DLG2: variants seen among roughly 807,000 people sequenced by gnomAD.
DLG2 encodes the protein discs large MAGUK scaffold protein 2.
In DLG2, 45 loss-of-function variants were observed where a neutral mutation model predicts 132.5. The ratio of observed to expected loss-of-function variants is 0.34; its 90% confidence interval spans 0.27 to 0.44. The LOEUF (loss-of-function observed/expected upper bound fraction) is 0.44. Ranked by LOEUF, DLG2 falls within the 20% of genes least tolerant of loss-of-function variation. DLG2 has a pLI of 1.00. For missense variants in DLG2, 1,045 were observed against 1,196.9 expected (o/e 0.87, Z 1.87); for synonymous variants, 424 against 419.6 (o/e 1.01, Z -0.13).
intron 5 of DLG2, among the ~76,000 whole-genome samples, chr11:85,125,457 C>G (rs1331351148): frequency 6.6e-6 from 1 of 151,964 alleles, no homozygotes; most frequent in Non-Finnish European, 1.5e-5. Flanking sequence ...GGATATATGT[C>G]TGAAAAACTA....
At chr11:85,582,474 C>T (rs1176714890) in intron 3 of DLG2, among the ~76,000 whole-genome samples, 1 of 151,268 alleles carries the variant, frequency 6.6e-6, no homozygotes, top group Non-Finnish European at 1.5e-5. Context: ...CTACATAATC[C>T]ACAAAGACAA....
chr11:84,535,965 A>ATATATATATATATATATATATAT (rs1209865425), intron 6 of DLG2, among the ~76,000 whole-genome samples: 10 of 151,334 alleles, frequency 6.6e-5, no homozygotes, highest in Non-Finnish European at 7.4e-5. Flanking sequence ...ATATATATAT[A>ATATATATATATATATATATATAT]AAACTTCTAG....
chr11:83,988,546 T>C (rs2093494701), intron 11 of DLG2, among the ~76,000 whole-genome samples: 1 of 152,230 alleles, frequency 6.6e-6, no homozygotes, highest in East Asian at 1.9e-4. Context: ...TCCATGAGCA[T>C]GGAATGTTTT....
intron 6 of DLG2, chr11:84,955,362 AGATT>A (rs2051509519): frequency 6.6e-6 from 1 of 152,192 alleles, no homozygotes; most frequent in Admixed American, 6.6e-5. Context: ...TGGCCAAGAT[AGATT>A]AAGTAACTGG....
At chr11:83,807,349 T>C (rs1178119792) in intron 17 of DLG2, among the ~76,000 whole-genome samples, 1 of 152,200 alleles carries the variant, frequency 6.6e-6, no homozygotes, top group African/African-American at 2.4e-5. Context: ...TTCTAATTAC[T>C]AACCAATTCT....
chr11:85,399,997 C>A (rs1286778118), intron 3 of DLG2, among the ~76,000 whole-genome samples: 18 of 152,022 alleles, frequency 1.2e-4, no homozygotes, highest in African/African-American at 3.6e-4. Flanking sequence ...AACAGGCAAC[C>A]TACAAAATGG....
intron 4 of DLG2, among the ~76,000 whole-genome samples, chr11:85,198,766 A>G (rs1048281561): frequency 6.6e-6 from 1 of 152,114 alleles, no homozygotes; most frequent in African/African-American, 2.4e-5. Context: ...CTCATTTATA[A>G]CTATTCTTCT....
chr11:84,594,598 G>T (rs2099551894), intron 6 of DLG2, among the ~76,000 whole-genome samples: 1 of 152,186 alleles, frequency 6.6e-6, no homozygotes, highest in Non-Finnish European at 1.5e-5. Flanking sequence ...GGGACTGGTA[G>T]AACATGAGGC....
At chr11:83,475,897 C>T (rs1415421069) in intron 22 of DLG2, among the ~76,000 whole-genome samples, 1 of 152,038 alleles carries the variant, frequency 6.6e-6, no homozygotes, top group Admixed American at 6.6e-5. Flanking sequence ...GTTTTGGCAA[C>T]TGTATGGCTG....
At chr11:83,704,400 A>G (rs899256460) in intron 18 of DLG2, among the ~76,000 whole-genome samples, 1 of 152,138 alleles carries the variant, frequency 6.6e-6, no homozygotes, top group African/African-American at 2.4e-5. Context: ...GGATAGTAGA[A>G]ATTATTGCTT....
intron 3 of DLG2, among the ~76,000 whole-genome samples, chr11:85,567,120 C>T (rs1413490520): frequency 6.6e-6 from 1 of 152,134 alleles, no homozygotes; most frequent in Non-Finnish European, 1.5e-5. Flanking sequence ...GCTCCAAATT[C>T]GTTCTTTCTT....
intron 3 of DLG2, among the ~76,000 whole-genome samples, chr11:85,498,134 C>G (rs980815808): frequency 1.2e-4 from 18 of 152,180 alleles, no homozygotes; most frequent in African/African-American, 4.3e-4. Flanking sequence ...CACAGACTGG[C>G]AAATAAAATA....
chr11:85,497,044 G>A (rs530655226), intron 3 of DLG2, among the ~76,000 whole-genome samples: 8 of 151,848 alleles, frequency 5.3e-5, no homozygotes, highest in Non-Finnish European at 1.0e-4. Context: ...ACAACTCCTC[G>A]CCAGCAAGGG....
At chr11:83,535,120 C>T (rs939243732) in intron 20 of DLG2, among the ~76,000 whole-genome samples, 1 of 152,192 alleles carries the variant, frequency 6.6e-6, no homozygotes, top group Non-Finnish European at 1.5e-5. Flanking sequence ...AGCTTCATCA[C>T]TTCATCACCT....
chr11:83,885,124 A>G (rs924221347), intron 15 of DLG2, among the ~76,000 whole-genome samples: 5 of 152,266 alleles, frequency 3.3e-5, no homozygotes, highest in Non-Finnish European at 5.9e-5. Context: ...TGAGAGAAGA[A>G]GGCTTCAGAG....
chr11:84,771,488 T>A (rs1466467963), intron 6 of DLG2, among the ~76,000 whole-genome samples: 1 of 152,256 alleles, frequency 6.6e-6, no homozygotes. Context: ...TTTGTTTAAG[T>A]TCCTTCCAGA....
chr11:83,845,979 T>G (rs2058538148), intron 16 of DLG2, among the ~76,000 whole-genome samples: 1 of 152,242 alleles, frequency 6.6e-6, no homozygotes, highest in East Asian at 1.9e-4. Flanking sequence ...TCTAGAAAGT[T>G]ATGACCTTTG....
intron 5 of DLG2, among the ~76,000 whole-genome samples, chr11:85,147,787 G>A (rs911529603): frequency 6.6e-6 from 1 of 152,116 alleles, no homozygotes; most frequent in Non-Finnish European, 1.5e-5. Context: ...GACGCAGAAT[G>A]TGCAGATTTG....
chr11:84,296,855 AG>A (rs2098095629), intron 7 of DLG2, among the ~76,000 whole-genome samples: 1 of 152,228 alleles, frequency 6.6e-6, no homozygotes, highest in African/African-American at 2.4e-5. Flanking sequence ...AATTCTTTTT[AG>A]CAACTTTCCA....
Sources: gnomAD v4.1 joint callset for allele counts (sites outside exome capture counted in the v4.1 genomes callset) on GRCh38, gnomAD v4.1.1 for gene constraint, MANE v1.5 for transcripts, NCBI Gene and HGNC (gene_info 2026-07-23, HGNC 2026-07-21) for gene names.